The following NRG1 variants were observed in gnomAD, a reference collection of about 807,000 sequenced individuals.
NRG1 encodes the protein neuregulin 1.
Under a neutral mutation model 63.8 loss-of-function variants are expected in NRG1, and 18 were observed. The ratio of observed to expected loss-of-function variants is 0.28; its 90% CI spans 0.19 to 0.42. The LOEUF (loss-of-function observed/expected upper bound fraction) is 0.42. NRG1 is among the 10% of genes least tolerant of loss of function. NRG1 has a pLI of 1.00. For missense variants in NRG1, 762 were observed against 814.7 expected (o/e 0.94, Z 0.79); for synonymous variants, 302 against 301.3 (o/e 1.00, Z -0.02).
chr8:32,078,962 C>G (rs995561939), intron 1 of NRG1, among the ~76,000 whole-genome samples: 1 of 152,130 alleles, frequency 6.6e-6, no homozygotes, highest in African/African-American at 2.4e-5. Context: ...TAATTTACAG[C>G]AAGAACAATG....
intron 1 of NRG1, among the ~76,000 whole-genome samples, chr8:32,063,762 AC>A (rs533065585): frequency 0.024 from 3,715 of 152,162 alleles, 124 homozygotes; most frequent in African/African-American, 0.072. Context: ...TGTTTAATAC[AC>A]TTTTTTATGT....
chr8:31,937,502 G>A (rs1252155880), intron 1 of NRG1, among the ~76,000 whole-genome samples: 1 of 152,184 alleles, frequency 6.6e-6, no homozygotes, highest in African/African-American at 2.4e-5. Context: ...TTTAAAAAAT[G>A]GGAGAGAATC....
chr8:32,342,601 A>G (rs941036765), intron 1 of NRG1, among the ~76,000 whole-genome samples: 1 of 152,188 alleles, frequency 6.6e-6, no homozygotes, highest in African/African-American at 2.4e-5. Context: ...GTCTCTCCAG[A>G]AAAGACCACT....
chr8:32,317,115 C>T (rs1036847168), intron 1 of NRG1, among the ~76,000 whole-genome samples: 1 of 152,074 alleles, frequency 6.6e-6, no homozygotes. Context: ...TATACGTTCT[C>T]TCCATGATTT....
At chr8:32,360,218 G>A (rs1013231105) in intron 1 of NRG1, among the ~76,000 whole-genome samples, 33 of 152,178 alleles carry the variant, frequency 2.2e-4, no homozygotes, top group African/African-American at 7.5e-4. Flanking sequence ...GACAGTGAGT[G>A]TGTCTATAAC....
intron 1 of NRG1, among the ~76,000 whole-genome samples, chr8:32,390,310 C>T (rs931038189): frequency 7.2e-5 from 11 of 152,098 alleles, no homozygotes; most frequent in Non-Finnish European, 1.3e-4. Context: ...CTGTTCTAGA[C>T]CTGGTGGCTC....
chr8:32,422,773 T>G (rs1031472663), intron 1 of NRG1, among the ~76,000 whole-genome samples: 2 of 152,226 alleles, frequency 1.3e-5, no homozygotes, highest in Non-Finnish European at 2.9e-5. Context: ...GTCTAATGGT[T>G]TTTGAATTAC....
chr8:32,528,413 C>A (rs1034383132), intron 1 of NRG1, among the ~76,000 whole-genome samples: 1 of 152,144 alleles, frequency 6.6e-6, no homozygotes, highest in African/African-American at 2.4e-5. Context: ...ATTGAACTTG[C>A]GAGGTCAGCT....
At chr8:32,125,190 G>C (rs1833924956) in intron 1 of NRG1, among the ~76,000 whole-genome samples, 1 of 151,892 alleles carries the variant, frequency 6.6e-6, no homozygotes, top group African/African-American at 2.4e-5. Context: ...TGACTTCTTA[G>C]TCTCAGAACT....
chr8:32,119,174 G>C (rs549412484), intron 1 of NRG1, among the ~76,000 whole-genome samples: 1 of 152,072 alleles, frequency 6.6e-6, no homozygotes, highest in Non-Finnish European at 1.5e-5. Flanking sequence ...GAAAGAATGA[G>C]TATTACAAGG....
intron 1 of NRG1, among the ~76,000 whole-genome samples, chr8:32,008,777 T>C (rs1674419648): frequency 6.6e-6 from 1 of 152,072 alleles, no homozygotes; most frequent in African/African-American, 2.4e-5. Flanking sequence ...CCTGATGAAA[T>C]GTCTTTTCTC....
At chr8:32,383,816 A>G (rs1810655100) in intron 1 of NRG1, among the ~76,000 whole-genome samples, 1 of 152,192 alleles carries the variant, frequency 6.6e-6, no homozygotes, top group African/African-American at 2.4e-5. Flanking sequence ...GATGTCAGCT[A>G]TTTGCCAATT....
chr8:32,547,622 C>CACAA (rs1198965113), upstream of NRG1, among the ~76,000 whole-genome samples: 3 of 141,244 alleles, frequency 2.1e-5, no homozygotes, highest in Non-Finnish European at 4.6e-5. Flanking sequence ...CACACACACA[C>CACAA]ACACGCACAC....
chr8:32,023,785 A>G (rs1456802709), intron 1 of NRG1, among the ~76,000 whole-genome samples: 2 of 152,154 alleles, frequency 1.3e-5, no homozygotes, highest in African/African-American at 4.8e-5. Flanking sequence ...CTCAAGCTTC[A>G]TTTAATTACG....
At chr8:31,704,591 G>C (rs929220619) in intron 1 of NRG1, among the ~76,000 whole-genome samples, 24 of 152,214 alleles carry the variant, frequency 1.6e-4, no homozygotes, top group African/African-American at 5.3e-4. Context: ...CCAGCACTTT[G>C]GGAGGCTGAG....
At chr8:31,974,545 G>C (rs1807841762) in intron 1 of NRG1, among the ~76,000 whole-genome samples, 1 of 152,130 alleles carries the variant, frequency 6.6e-6, no homozygotes, top group South Asian at 2.1e-4. Context: ...TACCCTGACT[G>C]TCAGTCTATT....
intron 5 of NRG1, among the ~76,000 whole-genome samples, chr8:32,636,300 T>C (rs2129544978): frequency 6.6e-6 from 1 of 152,344 alleles, no homozygotes; most frequent in East Asian, 1.9e-4. Flanking sequence ...TAGGTTAAAT[T>C]GCTCTGCCTG....
intron 1 of NRG1, among the ~76,000 whole-genome samples, chr8:31,868,202 C>T (rs1829161984): frequency 6.9e-6 from 1 of 144,646 alleles, no homozygotes; most frequent in African/African-American, 2.7e-5. Context: ...ACAAATAAGC[C>T]CTGAGAATTT....
intron 1 of NRG1, among the ~76,000 whole-genome samples, chr8:32,443,700 T>A (rs1175377271): frequency 1.3e-5 from 2 of 152,218 alleles, no homozygotes; most frequent in African/African-American, 4.8e-5. Flanking sequence ...CAATAGGAAC[T>A]AGCAATCTAC....
Sources: allele counts gnomAD v4.1 joint callset (sites outside exome capture counted in the v4.1 genomes callset), GRCh38; gene constraint gnomAD v4.1.1; transcripts MANE v1.5; gene names NCBI Gene and HGNC (gene_info 2026-07-23, HGNC 2026-07-21).